WDR33: variants seen among roughly 807,000 people sequenced by gnomAD.
WDR33 encodes the protein pre-mRNA 3' end processing protein WDR33.
Under a neutral mutation model 164.9 loss-of-function variants are expected in WDR33, and 47 were observed. The ratio of observed to expected loss-of-function variants is 0.29; its 90% CI spans 0.23 to 0.36. WDR33 has a LOEUF of 0.36. Ranked by LOEUF, WDR33 falls within the 10% of genes least tolerant of loss-of-function variation. The probability of loss-of-function intolerance (pLI) is 1.00; values close to 1 mark genes in which losing one functional copy is unlikely to be tolerated. For synonymous variants in WDR33, 505 were observed against 589.0 expected (o/e 0.86, Z 2.06); for missense variants, 1,137 against 1,754.1 (o/e 0.65, Z 6.28).
Position 127,770,939 on chromosome 2 carries a change from G to A in WDR33, c.43C>T (p.Pro15Ser). ...CGAGGTGCCTGGTGCTGGAACCTTG[G>A]CATATGGAAAAAACGAGGAGGAGAA... Reference protein sequence around the residue: ...IGSPPRFFHMPRFQHQAPRQL... With the variant: ...IGSPPRFFHMSRFQHQAPRQL... Residue 15 changes from proline to serine, a missense_variant, in exon 2 of 22, where the codon CCA becomes TCA. Transcript: ENST00000322313. The surrounding 1 kb of genome is among the most constrained non-coding windows in gnomAD (Gnocchi z 4.9). 1 of 1,614,022 alleles carries A rather than the reference G, an allele frequency of 6.2e-7. No individual in the cohort carries two copies. Among genetic ancestry groups the A allele is most frequent in the Non-Finnish European group, 8.5e-7 (1 of 1,179,990 alleles).
chr2:127,795,693 T>C (rs13389357), intron 1 of WDR33, among the ~76,000 whole-genome samples: 3,180 of 147,616 alleles, frequency 0.022, 144 homozygotes, highest in African/African-American at 0.076. Context: ...GTTAGCCAGG[T>C]GTGGTGGCAT....
At chr2:127,715,680 A>G (rs1390428737) in intron 17 of WDR33, among the ~76,000 whole-genome samples, 1 of 152,204 alleles carries the variant, frequency 6.6e-6, no homozygotes, top group Non-Finnish European at 1.5e-5. Context: ...TCTCAGACAC[A>G]GCAGACCTTT....
rs749997190 is a variant in WDR33 at position 127,708,939 on chromosome 2, G to C, written c.3566-47C>G. Reference sequence around the variant, plus strand: ...CTTACAGGAAAGCACAGTGTGACCAGAAGTAGATGGGAATGACACTGTGAG... The same window carrying C: ...CTTACAGGAAAGCACAGTGTGACCACAAGTAGATGGGAATGACACTGTGAG... On this transcript the variant is annotated intron_variant, in intron 20 of 21. Coordinates refer to ENST00000322313, the MANE Select transcript of WDR33 (RefSeq NM_018383.5). The surrounding 1 kb of genome is among the most constrained non-coding windows in gnomAD (Gnocchi z 6.7). The C allele has an allele frequency of 2.0e-6, 3 of 1,488,198 alleles. No individual in the cohort carries two copies. Among genetic ancestry groups the C allele is most frequent in the Non-Finnish European group, 2.7e-6 (3 of 1,112,694 alleles). 92.2% of individuals were successfully genotyped at this position (1,488,198 alleles called of 1,614,324 possible).
chr2:127,766,809 G>GCCCAGGCTA (rs1488171737), intron 4 of WDR33, among the ~76,000 whole-genome samples: 3 of 149,054 alleles, frequency 2.0e-5, no homozygotes, highest in Non-Finnish European at 4.4e-5. Flanking sequence ...CGATCTTGTC[G>GCCCAGGCTA]CCCAGGCTAG....
At chr2:127,808,866 T>C (rs948900451) in intron 1 of WDR33, among the ~76,000 whole-genome samples, 4 of 151,914 alleles carry the variant, frequency 2.6e-5, no homozygotes, top group Admixed American at 6.6e-5. Flanking sequence ...CCGTCTCTAC[T>C]AAAAATACAA....
At position 127,713,445 on chromosome 2, in the gene WDR33, T is replaced by C; in HGVS notation, c.3308+138A>G. The C allele has an allele frequency of 1.0e-6, 1 of 997,830 alleles. No homozygotes were observed. Among genetic ancestry groups the C allele is most frequent in the Non-Finnish European group, 1.5e-6 (1 of 674,966 alleles). The allele number at this position is 997,830 out of a possible 1,614,324, so 61.8% of individuals were successfully genotyped here. A position where few individuals can be genotyped will look rare whatever the true frequency, so the allele number is the denominator to read the frequency against. ...AGCACACTTTTTTTAAACGTCCAAA[T>C]GCAAACTCTACAGAGTGCAGGGCTG... On this transcript the variant is annotated intron_variant, in intron 18 of 21. Transcript: ENST00000322313. The surrounding 1 kb of genome is among the most constrained non-coding windows in gnomAD (Gnocchi z 6.2).
intron 18 of WDR33, among the ~76,000 whole-genome samples, chr2:127,711,374 G>A (rs1214499877): frequency 4.1e-5 from 6 of 144,630 alleles, no homozygotes; most frequent in African/African-American, 1.3e-4. Context: ...GCAGTGAGCC[G>A]AGATCATGCC....
Position 127,712,449 on chromosome 2 carries a change from G to A in WDR33, c.3308+1134C>T, listed in dbSNP as rs1032131543. ...ATGAAAGGACACGGAAGGCTAAGGA[G>A]TAATCAGAGACTATAGTAAAAGCTG... On this transcript the variant is annotated intron_variant, in intron 18 of 21. Transcript: ENST00000322313. This position sits in a 1 kb window ranked among gnomAD's most constrained non-coding sequence, Gnocchi z 4.0. Among the ~76,000 whole-genome samples the A allele has an allele frequency of 1.1e-4, 16 of 151,926 alleles. No homozygotes were observed. The highest frequency in any genetic ancestry group is 3.6e-4 in the African/African-American group (15 of 41,392).
chr2:127,803,423 T>C (rs946119952), intron 1 of WDR33, among the ~76,000 whole-genome samples: 2 of 151,746 alleles, frequency 1.3e-5, no homozygotes, highest in Non-Finnish European at 2.9e-5. Context: ...CTACTAAAAA[T>C]ACAAAAATTA....
At chr2:127,748,409 C>T (rs979971970) in intron 7 of WDR33, among the ~76,000 whole-genome samples, 1 of 152,132 alleles carries the variant, frequency 6.6e-6, no homozygotes, top group Non-Finnish European at 1.5e-5. Context: ...ATGTTCTAGG[C>T]TTAGAAAATG....
At chr2:127,778,298 G>A (rs10174029) in intron 1 of WDR33, among the ~76,000 whole-genome samples, 3,239 of 152,078 alleles carry the variant, frequency 0.021, 125 homozygotes, top group African/African-American at 0.075. Flanking sequence ...TTAGCTGGGC[G>A]TGGTGGCTGA....
intron 7 of WDR33, among the ~76,000 whole-genome samples, chr2:127,756,334 C>CAA (rs57883631): frequency 9.1e-6 from 1 of 109,714 alleles, no homozygotes; most frequent in Non-Finnish European, 1.9e-5. Flanking sequence ...ATTCCAACTC[C>CAA]AAAAAAAAAA....
Position 127,722,103 on chromosome 2 carries a change from TTC to T in WDR33, c.1519-117_1519-116del, listed in dbSNP as rs1278988197. On this transcript the variant is annotated intron_variant, in intron 14 of 21. Coordinates refer to ENST00000322313, the MANE Select transcript of WDR33 (RefSeq NM_018383.5). The surrounding 1 kb of genome is among the most constrained non-coding windows in gnomAD (Gnocchi z 5.1). ...AATCTAACCTCTGAACCGATTTTAT[TTC>T]TTTTTACCTTTTCTCCATGACTCAA... The T allele has an allele frequency of 5.7e-6, 7 of 1,231,612 alleles. No homozygotes were observed. The highest frequency in any genetic ancestry group is 1.5e-5 in the African/African-American group (1 of 64,958). The allele number at this position is 1,231,612 out of a possible 1,614,324, so 76.3% of individuals were successfully genotyped here. A position where few individuals can be genotyped will look rare whatever the true frequency, so the allele number is the denominator to read the frequency against.
At chr2:127,776,822 A>G (rs980474635) in intron 1 of WDR33, among the ~76,000 whole-genome samples, 1 of 152,272 alleles carries the variant, frequency 6.6e-6, no homozygotes, top group Non-Finnish European at 1.5e-5. Context: ...ACAAGTCATT[A>G]CAACTATCCT....
At chr2:127,773,301 A>C (rs1688070919) in intron 1 of WDR33, among the ~76,000 whole-genome samples, 1 of 152,178 alleles carries the variant, frequency 6.6e-6, no homozygotes. Context: ...CTAGACACTA[A>C]ATAATGAGCC....
chr2:127,765,950 A>C (rs17534332), intron 4 of WDR33, among the ~76,000 whole-genome samples: 2,308 of 152,274 alleles, frequency 0.015, 29 homozygotes, highest in Non-Finnish European at 0.023. Context: ...AGATGTATAT[A>C]TTTTCAGGGA....
At chr2:127,754,516 T>G (rs1687463598) in intron 7 of WDR33, among the ~76,000 whole-genome samples, 1 of 151,886 alleles carries the variant, frequency 6.6e-6, no homozygotes, top group Non-Finnish European at 1.5e-5. Context: ...ATTCCTAGAC[T>G]CGAGCAATCC....
At position 127,719,243 on chromosome 2, in the gene WDR33, G is replaced by T. The variant is rs75921649; in HGVS notation, c.2760+22C>A. 5.0e-6 allele frequency: 7 copies of T among 1,396,346 alleles called. No homozygotes were observed. The highest frequency in any genetic ancestry group is 6.5e-6 in the Non-Finnish European group (7 of 1,075,378). 86.5% of individuals were successfully genotyped at this position (1,396,346 alleles called of 1,614,324 possible). ...CAGAGTGTATTTTCCCAATGTGCCCGTGAGTTGGAAATGAATAATACCTGG... is the reference window on the plus strand; with the variant it reads ...CAGAGTGTATTTTCCCAATGTGCCCTTGAGTTGGAAATGAATAATACCTGG... On this transcript the variant is annotated intron_variant, in intron 16 of 21. Coordinates refer to ENST00000322313, the MANE Select transcript of WDR33 (RefSeq NM_018383.5). This position sits in a 1 kb window ranked among gnomAD's most constrained non-coding sequence, Gnocchi z 6.5.
rs35161101 is a variant in WDR33, at chr2:127,731,294, C to CAAA, written c.725-4520_725-4518dup. Reference sequence around the variant, plus strand: ...TGGGCAACAGAGCAAGACCCTGCCTCAAAAAAAAAAAAAAAAAAAAAAAAC... The same window carrying CAAA: ...TGGGCAACAGAGCAAGACCCTGCCTCAAAAAAAAAAAAAAAAAAAAAAAAAAAC... On this transcript the variant is annotated intron_variant, in intron 7 of 21. Coordinates refer to ENST00000322313, the MANE Select transcript of WDR33 (RefSeq NM_018383.5). Among the ~76,000 whole-genome samples, 486 of 69,784 alleles carry CAAA rather than the reference C, an allele frequency of 7.0e-3. 6 individuals carry two copies. The highest frequency in any genetic ancestry group is 0.018 in the African/African-American group (333 of 18,604). 45.8% of individuals were successfully genotyped at this position (69,784 alleles called of 152,430 possible).
Sources: gnomAD v4.1 joint callset for allele counts (sites outside exome capture counted in the v4.1 genomes callset) on GRCh38, gnomAD v4.1.1 for gene constraint, Gnocchi (gnomAD v3.1) non-coding constraint, MANE v1.5 for transcripts, NCBI Gene and HGNC (gene_info 2026-07-23, HGNC 2026-07-21) for gene names.